Variants in DLC1 observed in about 807,000 individuals in gnomAD.
The protein encoded by DLC1 is rho GTPase-activating protein 7.
A neutral mutation model predicts 140.3 loss-of-function variants in DLC1; 54 were observed. That is an observed-to-expected ratio of 0.38 (90% CI 0.31 to 0.48). The LOEUF (loss-of-function observed/expected upper bound fraction) is 0.48. DLC1 is among the 20% of genes least tolerant of loss of function. The probability of loss-of-function intolerance (pLI) is 0.96; values close to 1 mark genes in which losing one functional copy is unlikely to be tolerated. For synonymous variants in DLC1, 986 were observed against 728.1 expected (o/e 1.35, Z -5.70); for missense variants, 2,536 against 1,907.0 (o/e 1.33, Z -6.14).
intron 5 of DLC1, among the ~76,000 whole-genome samples, chr8:13,233,379 C>A (rs944174680): frequency 6.7e-6 from 1 of 148,420 alleles, no homozygotes; most frequent in East Asian, 2.0e-4. Flanking sequence ...TTGAAAACTC[C>A]GGTTTACAAC....
intron 5 of DLC1, among the ~76,000 whole-genome samples, chr8:13,191,806 A>G (rs946400386): frequency 3.9e-5 from 6 of 152,002 alleles, no homozygotes; most frequent in Non-Finnish European, 7.4e-5. Context: ...CAGTTTCTTC[A>G]TCTGTGAAAT....
intron 9 of DLC1, among the ~76,000 whole-genome samples, chr8:13,098,999 C>A (rs140528669): frequency 1.3e-5 from 2 of 152,030 alleles, no homozygotes; most frequent in East Asian, 3.9e-4. Flanking sequence ...GACTTGATTT[C>A]TATCCCATGC....
At chr8:13,335,506 G>A (rs1159505697) in intron 4 of DLC1, among the ~76,000 whole-genome samples, 1 of 152,136 alleles carries the variant, frequency 6.6e-6, no homozygotes, top group Admixed American at 6.5e-5. Context: ...GAGACTTCCT[G>A]ATGCAGAGTG....
intron 8 of DLC1, among the ~76,000 whole-genome samples, chr8:13,102,125 A>G (rs971975737): frequency 5.3e-5 from 8 of 152,212 alleles, no homozygotes; most frequent in Non-Finnish European, 7.3e-5. Context: ...CGGAAGTCAG[A>G]AATATGTTCT....
In DLC1 at chr8:13,506,598, T is replaced by TACACGTATATATATATATAC. The variant is rs1563407680; in HGVS notation, c.-125-6403_-125-6402insGTATATATATATATACGTGT. 2.1e-5 allele frequency among the ~76,000 whole-genome samples: 3 copies of TACACGTATATATATATATAC among 141,474 alleles called. No homozygotes were observed. In the East Asian group the frequency reaches 6.5e-4, roughly 31 times the overall value. The allele number at this position is 141,474 out of a possible 152,430, so 92.8% of individuals were successfully genotyped here. A position where few individuals can be genotyped will look rare whatever the true frequency, so the allele number is the denominator to read the frequency against. ...GTGTGTGTGTATATATATATATATA[T>TACACGTATATATATATATAC]ATATATATATACACATATATATACA... On this transcript the variant is annotated intron_variant, in intron 1 of 17. Transcript: ENST00000276297.
chr8:13,376,965 A>G (rs1209373622), intron 4 of DLC1, among the ~76,000 whole-genome samples: 1 of 152,214 alleles, frequency 6.6e-6, no homozygotes, highest in Middle Eastern at 3.2e-3. Flanking sequence ...AGAAGGAAAA[A>G]AAATCTGGTA....
intron 5 of DLC1, among the ~76,000 whole-genome samples, chr8:13,167,083 T>C (rs1443384633): frequency 6.6e-6 from 1 of 152,142 alleles, no homozygotes; most frequent in East Asian, 1.9e-4. Flanking sequence ...CCCTAGTATA[T>C]ATTGAGCTGA....
chr8:13,395,980 C>T (rs1157516103), intron 3 of DLC1, among the ~76,000 whole-genome samples: 1 of 151,394 alleles, frequency 6.6e-6, no homozygotes, highest in Non-Finnish European at 1.5e-5. Context: ...AATGCATAAT[C>T]ATAAGTAGCA....
intron 5 of DLC1, among the ~76,000 whole-genome samples, chr8:13,217,848 C>CA (rs201003292): frequency 0.11 from 16,711 of 149,914 alleles, 1,022 homozygotes; most frequent in South Asian, 0.15. Flanking sequence ...AAAAAAAAAA[C>CA]AACAACAAAA....
intron 5 of DLC1, among the ~76,000 whole-genome samples, chr8:13,268,096 C>A (rs1347205161): frequency 6.6e-6 from 1 of 152,078 alleles, no homozygotes; most frequent in East Asian, 1.9e-4. Context: ...AGTATAACTT[C>A]CAATTTTAGT....
At chr8:13,146,523 G>A (rs886269129) in intron 5 of DLC1, among the ~76,000 whole-genome samples, 2 of 151,460 alleles carry the variant, frequency 1.3e-5, no homozygotes, top group Non-Finnish European at 2.9e-5. Context: ...TATTGTCAAA[G>A]CCAAATAATA....
At chr8:13,142,620 A>C (rs973117236) in intron 5 of DLC1, among the ~76,000 whole-genome samples, 1 of 152,260 alleles carries the variant, frequency 6.6e-6, no homozygotes, top group Non-Finnish European at 1.5e-5. Flanking sequence ...ATGAGAAATA[A>C]AAGTTTTTAA....
chr8:13,424,808 C>A (rs975289183), intron 2 of DLC1, among the ~76,000 whole-genome samples: 7 of 152,004 alleles, frequency 4.6e-5, no homozygotes, highest in Admixed American at 3.3e-4. Flanking sequence ...CTCCTGACCT[C>A]GAGATCTGCC....
rs555623174 is a variant in DLC1, at chr8:13,091,730, T to G, written c.3741-298A>C. The stretch of plus-strand genomic sequence containing the variant: ...GCTTGTAGGGGCTGTGTTTGCATGG[T>G]GGGGGAGCAACTTCTGAGGAGTGTG... On this transcript the variant is annotated intron_variant, in intron 13 of 17. Transcript: ENST00000276297. Among the ~76,000 whole-genome samples the G allele has an allele frequency of 1.9e-4, 29 of 152,120 alleles. No individual in the cohort carries two copies. In the South Asian group the frequency reaches 5.6e-3, roughly 29 times the overall value.
intron 4 of DLC1, among the ~76,000 whole-genome samples, chr8:13,320,457 A>G (rs1381224032): frequency 6.6e-6 from 1 of 152,206 alleles, no homozygotes; most frequent in East Asian, 1.9e-4. Flanking sequence ...TTAAAAATAA[A>G]AACATGAAAA....
At chr8:13,351,726 C>A (rs765068277) in intron 4 of DLC1, among the ~76,000 whole-genome samples, 1 of 152,246 alleles carries the variant, frequency 6.6e-6, no homozygotes, top group East Asian at 1.9e-4. Context: ...CTATCTGATC[C>A]TTTATAGAAA....
intron 5 of DLC1, among the ~76,000 whole-genome samples, chr8:13,208,133 A>T (rs746592938): frequency 6.6e-6 from 1 of 152,152 alleles, no homozygotes; most frequent in Non-Finnish European, 1.5e-5. Flanking sequence ...CGTCACATGT[A>T]TATATCTTTA....
At chr8:13,347,407 G>A (rs1050037068) in intron 4 of DLC1, among the ~76,000 whole-genome samples, 2 of 152,190 alleles carry the variant, frequency 1.3e-5, no homozygotes, top group African/African-American at 2.4e-5. Context: ...GGATGTGCAG[G>A]TGCTGGAGGA....
chr8:13,422,276 G>C (rs1838350456), intron 2 of DLC1, among the ~76,000 whole-genome samples: 1 of 152,004 alleles, frequency 6.6e-6, no homozygotes, highest in Non-Finnish European at 1.5e-5. Context: ...CAGTATTACT[G>C]TTCTCAGAAG....
Sources: gnomAD v4.1 joint callset for allele counts (sites outside exome capture counted in the v4.1 genomes callset) on GRCh38, gnomAD v4.1.1 for gene constraint, MANE v1.5 for transcripts, NCBI Gene and HGNC (gene_info 2026-07-23, HGNC 2026-07-21) for gene names.